Variants in PAM observed in about 807,000 individuals in gnomAD.
The protein encoded by PAM is peptidyl-glycine alpha-amidating monooxygenase.
A neutral mutation model predicts 122.1 loss-of-function variants in PAM; 72 were observed. The ratio of observed to expected loss-of-function variants is 0.59; its 90% CI spans 0.49 to 0.72. The LOEUF is 0.72. PAM is among the 30% of genes least tolerant of loss of function. The probability of loss-of-function intolerance (pLI) is 0.00; values close to 1 mark genes in which losing one functional copy is unlikely to be tolerated. For missense variants in PAM, 1,106 were observed against 1,183.7 expected (o/e 0.93, Z 0.96); for synonymous variants, 389 against 404.4 (o/e 0.96, Z 0.46).
At chr5:102,882,245 G>GATTGCTGGATCAA (rs1351932169) in intron 3 of PAM, among the ~76,000 whole-genome samples, 2 of 150,592 alleles carry the variant, frequency 1.3e-5, no homozygotes, top group Non-Finnish European at 3.0e-5. Context: ...CCAGTAGTGG[G>GATTGCTGGATCAA]ATTGCTGGAT....
chr5:102,886,558 T>C (rs1403522605), intron 3 of PAM, among the ~76,000 whole-genome samples: 1 of 152,006 alleles, frequency 6.6e-6, no homozygotes, highest in Non-Finnish European at 1.5e-5. Flanking sequence ...TGTTACAGAA[T>C]ACGTATTCTT....
At chr5:102,948,568 C>T in intron 9 of PAM, 123 bp downstream of exon 9, 1 of 587,854 alleles carries the variant, frequency 1.7e-6, no homozygotes, top group Non-Finnish European at 3.1e-6. Flanking sequence ...AAAAATGAAC[C>T]AATACTTTAT....
chr5:102,755,648 C>T (rs1023984770), intron 1 of PAM, among the ~76,000 whole-genome samples: 1 of 152,082 alleles, frequency 6.6e-6, no homozygotes, highest in Non-Finnish European at 1.5e-5. Context: ...TCGTCCTCCC[C>T]TCCGGTCCTT....
intron 1 of PAM, among the ~76,000 whole-genome samples, chr5:102,835,482 T>C (rs1776761288): frequency 6.6e-6 from 1 of 152,158 alleles, no homozygotes; most frequent in Non-Finnish European, 1.5e-5. Flanking sequence ...GAACATTTTC[T>C]CCTTTTAAAT....
intron 4 of PAM, among the ~76,000 whole-genome samples, chr5:102,912,187 A>T (rs538711848): frequency 1.3e-5 from 2 of 152,098 alleles, no homozygotes; most frequent in South Asian, 4.1e-4. Context: ...TTATCCACCC[A>T]TAATAAGATC....
At chr5:103,007,332 A>T (rs1779336170) in intron 19 of PAM, 125 bp from the exon 20 acceptor site, 1 of 756,952 alleles carries the variant, frequency 1.3e-6, no homozygotes, top group African/African-American at 1.7e-5. Flanking sequence ...AAACTGCTTT[A>T]CCTTATCTTT....
chr5:102,899,078 C>A (rs994181468), intron 3 of PAM, among the ~76,000 whole-genome samples: 1 of 151,668 alleles, frequency 6.6e-6, no homozygotes, highest in Admixed American at 6.6e-5. Flanking sequence ...CCTCCCCTAC[C>A]CTCCCTTTAC....
chr5:102,963,027 ATAT>A (rs1002874791), intron 14 of PAM, among the ~76,000 whole-genome samples: 18 of 151,808 alleles, frequency 1.2e-4, no homozygotes, highest in Admixed American at 1.2e-3. Context: ...AAGCATTCTG[ATAT>A]TATCAATTTT....
At chr5:102,887,638 C>A (rs1195802020) in intron 3 of PAM, among the ~76,000 whole-genome samples, 1 of 151,990 alleles carries the variant, frequency 6.6e-6, no homozygotes, top group Non-Finnish European at 1.5e-5. Flanking sequence ...CCACATTAGA[C>A]TATTTACCTC....
chr5:102,907,541 T>C (rs1461387728), intron 4 of PAM, among the ~76,000 whole-genome samples: 313 of 150,556 alleles, frequency 2.1e-3, no homozygotes, highest in African/African-American at 5.8e-3. Context: ...CCTGAGGAAT[T>C]GCCACACTGA....
intron 5 of PAM, among the ~76,000 whole-genome samples, chr5:102,923,696 T>C (rs1444637513): frequency 1.3e-5 from 2 of 152,300 alleles, no homozygotes; most frequent in African/African-American, 4.8e-5. Context: ...CCGCACTGAG[T>C]GCCTTATGCA....
At chr5:102,880,483 C>G (rs1429809853) in intron 3 of PAM, among the ~76,000 whole-genome samples, 1 of 152,072 alleles carries the variant, frequency 6.6e-6, no homozygotes, top group Non-Finnish European at 1.5e-5. Context: ...CTCATGTCCA[C>G]TCATAATTCA....
chr5:103,009,711 C>G, intron 20 of PAM, 40 bp from the exon 21 acceptor site: 1 of 1,040,110 alleles, frequency 9.6e-7, no homozygotes, highest in Non-Finnish European at 1.5e-6. Flanking sequence ...CCATTCTTAC[C>G]CATATTTTAA....
At chr5:102,949,737 C>A in intron 10 of PAM, 120 bp downstream of exon 10, 2 of 715,082 alleles carry the variant, frequency 2.8e-6, no homozygotes, top group South Asian at 3.3e-5. Flanking sequence ...TCATATAAGA[C>A]CTTGAAATAT....
In PAM at chr5:102,846,197, C is replaced by T. The variant is rs754003795; in HGVS notation, c.-373-19626C>T. ...AGAAGTTCACATTCTCACTGGTCAC[C>T]TGCCTCCAGTTTGCCCCCAACTTCC... On this transcript the variant is annotated intron_variant, in intron 1 of 25. Transcript: ENST00000438793. 2.6e-4 allele frequency among the ~76,000 whole-genome samples: 40 copies of T among 152,162 alleles called. 1 individual carries two copies. Among genetic ancestry groups the T allele is most frequent in the Non-Finnish European group, 4.4e-4 (30 of 68,038 alleles).
intron 4 of PAM, among the ~76,000 whole-genome samples, chr5:102,906,665 T>C (rs533409460): frequency 4.0e-5 from 6 of 151,696 alleles, no homozygotes; most frequent in Non-Finnish European, 8.8e-5. Flanking sequence ...CATAGGGTCA[T>C]TGAGAAGTAA....
intron 14 of PAM, among the ~76,000 whole-genome samples, chr5:102,972,739 G>A (rs1204051387): frequency 3.9e-5 from 6 of 152,164 alleles, no homozygotes; most frequent in Admixed American, 2.6e-4. Flanking sequence ...TTTCTTCTGT[G>A]AGGCAGAATG....
chr5:102,935,538 G>A (rs1004680345), intron 7 of PAM, among the ~76,000 whole-genome samples: 1 of 152,078 alleles, frequency 6.6e-6, no homozygotes, highest in African/African-American at 2.4e-5. Context: ...CTACTGCAGG[G>A]CAGATATCTA....
chr5:102,780,684 G>T (rs1026218311), intron 1 of PAM, among the ~76,000 whole-genome samples: 1 of 152,102 alleles, frequency 6.6e-6, no homozygotes, highest in African/African-American at 2.4e-5. Flanking sequence ...CTAGGGGGCA[G>T]TACTGCATCC....
Sources: allele counts gnomAD v4.1 joint callset (sites outside exome capture counted in the v4.1 genomes callset), GRCh38; gene constraint gnomAD v4.1.1; transcripts MANE v1.5; gene names NCBI Gene and HGNC (gene_info 2026-07-23, HGNC 2026-07-21).